ENAH: variants seen among roughly 807,000 people sequenced by gnomAD.
The protein encoded by ENAH is protein enabled homolog.
ENAH carries 23 observed loss-of-function variants against 78.7 expected under a neutral mutation model. The ratio of observed to expected loss-of-function variants is 0.29; its 90% CI spans 0.21 to 0.41. The LOEUF (loss-of-function observed/expected upper bound fraction) is 0.41. Among genes scored for constraint, ENAH ranks in the 10% least tolerant of loss-of-function variants. The pLI is 1.00. For missense variants in ENAH, 544 were observed against 691.0 expected (o/e 0.79, Z 2.39); for synonymous variants, 226 against 241.0 (o/e 0.94, Z 0.58).
chr1:225,571,701 G>C (rs371049188), intron 1 of ENAH, among the ~76,000 whole-genome samples: 3 of 152,192 alleles, frequency 2.0e-5, no homozygotes, highest in Admixed American at 6.5e-5. Flanking sequence ...AGACGGACTA[G>C]AGATCGAGTT....
intron 1 of ENAH, among the ~76,000 whole-genome samples, chr1:225,636,421 A>G (rs1195377314): frequency 6.6e-6 from 1 of 152,238 alleles, no homozygotes; most frequent in African/African-American, 2.4e-5. Flanking sequence ...TCAAGTGCAT[A>G]TTGAAAATTT....
chr1:225,521,641 CA>C (rs559523159), intron 4 of ENAH, among the ~76,000 whole-genome samples: 10,169 of 69,378 alleles, frequency 0.15, 980 homozygotes, highest in African/African-American at 0.36. Context: ...ACCCTGTCTC[CA>C]AAAAAAAAAA....
At chr1:225,552,134 CTTTTTTTT>C (rs397983036) in intron 3 of ENAH, among the ~76,000 whole-genome samples, 1 of 115,966 alleles carries the variant, frequency 8.6e-6, no homozygotes, top group Non-Finnish European at 1.7e-5. Flanking sequence ...ACTCCTGATT[CTTTTTTTT>C]TTTTTTTTTT....
intron 11 of ENAH, chr1:225,501,298 G>C (rs1400474693): frequency 2.2e-6 from 1 of 449,438 alleles, no homozygotes; most frequent in Non-Finnish European, 3.9e-6. Context: ...AAGGTGACAA[G>C]ATGGTGAGAC....
rs773693618 is a variant in ENAH at position 225,496,853 on chromosome 1, T to C, written c.*922A>G. 2 of 152,490 alleles carry C rather than the reference T, an allele frequency of 1.3e-5. No homozygotes were observed. Among genetic ancestry groups the C allele is most frequent in the African/African-American group, 2.4e-5 (1 of 41,326 alleles). The allele number at this position is 152,490 out of a possible 1,614,324, so 9.4% of individuals were successfully genotyped here. A position where few individuals can be genotyped will look rare whatever the true frequency, so the allele number is the denominator to read the frequency against. On this transcript the variant is annotated 3_prime_UTR_variant, in exon 14 of 14. Transcript: ENST00000366843. ...AAATGTTTTCCCTGGGACTAGGCCTTGAAAAGGCCACTACATATTAGTGTG... is the reference window on the plus strand; with the variant it reads ...AAATGTTTTCCCTGGGACTAGGCCTCGAAAAGGCCACTACATATTAGTGTG...
At chr1:225,524,727 C>T in intron 4 of ENAH, 2 of 884,272 alleles carry the variant, frequency 2.3e-6, no homozygotes, top group Non-Finnish European at 2.7e-6. Context: ...CCTTTTATAA[C>T]TTTCAGATAG....
intron 1 of ENAH, among the ~76,000 whole-genome samples, chr1:225,640,867 C>T (rs1352525892): frequency 6.8e-6 from 1 of 147,932 alleles, no homozygotes; most frequent in Non-Finnish European, 1.5e-5. Flanking sequence ...AAAACACAAG[C>T]TTTATGGTTT....
intron 13 of ENAH, 79 bp from the exon 14 acceptor site, chr1:225,497,891 TTA>T: frequency 7.7e-7 from 1 of 1,296,558 alleles, no homozygotes; most frequent in Non-Finnish European, 1.1e-6. Flanking sequence ...CTAAGAAACT[TTA>T]AGGATTGTGC....
intron 4 of ENAH, among the ~76,000 whole-genome samples, chr1:225,524,189 A>C (rs2096489302): frequency 6.6e-6 from 1 of 152,216 alleles, no homozygotes; most frequent in African/African-American, 2.4e-5. Context: ...AGATGCACAA[A>C]GCATCAGCCC....
chr1:225,595,397 A>G lies in ENAH; in HGVS notation c.6-27983T>C, dbSNP rs375660233. On this transcript the variant is annotated intron_variant, in intron 1 of 13. Transcript: ENST00000366843. Reference sequence around the variant, plus strand: ...AGTTGGTAATGCAATTTATCTTGACAGGAGTAGCTGGTCCCAGTTACTCTA... The same window carrying G: ...AGTTGGTAATGCAATTTATCTTGACGGGAGTAGCTGGTCCCAGTTACTCTA... 1.4e-3 allele frequency among the ~76,000 whole-genome samples: 216 copies of G among 152,250 alleles called. 1 individual carries two copies. The highest frequency in any genetic ancestry group is 4.9e-3 in the African/African-American group (205 of 41,544).
chr1:225,610,020 A>C (rs981273022), intron 1 of ENAH, among the ~76,000 whole-genome samples: 8 of 152,050 alleles, frequency 5.3e-5, no homozygotes, highest in African/African-American at 1.9e-4. Flanking sequence ...TAATATGTAC[A>C]TGTATACCAC....
At chr1:225,632,790 C>A (rs1659332621) in intron 1 of ENAH, among the ~76,000 whole-genome samples, 1 of 152,182 alleles carries the variant, frequency 6.6e-6, no homozygotes, top group Non-Finnish European at 1.5e-5. Flanking sequence ...CCCCAGGGCT[C>A]ACAAACTGGA....
At chr1:225,644,613 T>C (rs1303812840) in intron 1 of ENAH, among the ~76,000 whole-genome samples, 1 of 152,192 alleles carries the variant, frequency 6.6e-6, no homozygotes, top group East Asian at 1.9e-4. Context: ...ATTCATTTTA[T>C]TTTACTTAAG....
At position 225,652,868 on chromosome 1, in the gene ENAH, C is replaced by T. The variant is rs1180457711; in HGVS notation, c.-178G>A. 2 of 424,956 alleles carry T rather than the reference C, an allele frequency of 4.7e-6. No individual in the cohort carries two copies. Among genetic ancestry groups the T allele is most frequent in the Non-Finnish European group, 8.0e-6 (2 of 250,748 alleles). 26.3% of individuals were successfully genotyped at this position (424,956 alleles called of 1,614,324 possible). A position where few individuals can be genotyped will look rare whatever the true frequency, so the allele number is the denominator to read the frequency against. On this transcript the variant is annotated 5_prime_UTR_variant, in exon 1 of 14. Transcript: ENST00000366843. ...CCTCGCACAAAGCCGAGGCGCCGGC[C>T]GGGAGTGTGGGAGAAGAGGGCGAGA... is the stretch of plus-strand genomic sequence containing the variant.
intron 1 of ENAH, among the ~76,000 whole-genome samples, chr1:225,632,099 T>C (rs1434830407): frequency 2.6e-5 from 4 of 152,230 alleles, no homozygotes; most frequent in African/African-American, 7.2e-5. Context: ...GCGGTAGCTT[T>C]AAATACTTTC....
At chr1:225,583,232 T>G (rs903472570) in intron 1 of ENAH, among the ~76,000 whole-genome samples, 2 of 151,710 alleles carry the variant, frequency 1.3e-5, no homozygotes, top group African/African-American at 4.8e-5. Flanking sequence ...AGGTCAGAAG[T>G]TCAAGACTAG....
In ENAH at chr1:225,488,254, G is replaced by C. The variant is rs189674624; in HGVS notation, c.*9521C>G. The C allele has an allele frequency of 6.6e-6, 1 of 152,242 alleles. No individual in the cohort carries two copies. The highest frequency in any genetic ancestry group is 1.5e-5 in the Non-Finnish European group (1 of 68,046). 9.4% of individuals were successfully genotyped at this position (152,242 alleles called of 1,614,324 possible). Reference sequence around the variant, plus strand: ...GGCTGGCCTCCAACTTTGGGCTCAAGTGATCCTTCTGCCTCAGCCCCCCGA... The same window carrying C: ...GGCTGGCCTCCAACTTTGGGCTCAACTGATCCTTCTGCCTCAGCCCCCCGA... On this transcript the variant is annotated 3_prime_UTR_variant, in exon 14 of 14. Transcript: ENST00000366843.
At position 225,514,923 on chromosome 1, in the gene ENAH, A is replaced by C. The variant is rs2096406094; in HGVS notation, c.914-23T>G. 3 of 1,589,236 alleles carry C rather than the reference A, an allele frequency of 1.9e-6. No homozygotes were observed. The South Asian group carries it at 3.4e-5, about 18-fold the overall frequency. ...TGCCTGAGAGAGAGAAATGTTAAGT[A>C]AGACCATCAACAATAGAGCTGAGTG... On this transcript the variant is annotated intron_variant, in intron 6 of 13. Transcript: ENST00000366843.
chr1:225,509,032 A>G (rs1467418741), intron 10 of ENAH, among the ~76,000 whole-genome samples: 1 of 152,184 alleles, frequency 6.6e-6, no homozygotes, highest in Non-Finnish European at 1.5e-5. Context: ...TAAAGTCATT[A>G]TTGATCTTGC....
Sources: allele counts gnomAD v4.1 joint callset (sites outside exome capture counted in the v4.1 genomes callset), GRCh38; gene constraint gnomAD v4.1.1; transcripts MANE v1.5; gene names NCBI Gene and HGNC (gene_info 2026-07-23, HGNC 2026-07-21).